The following SNTG1 variants were observed in gnomAD, a reference collection of about 807,000 sequenced individuals.
The protein encoded by SNTG1 is gamma-1-syntrophin.
SNTG1 carries 39 observed loss-of-function variants against 74.7 expected under a neutral mutation model. The ratio of observed to expected loss-of-function variants is 0.52; its 90% CI spans 0.40 to 0.68. The LOEUF (loss-of-function observed/expected upper bound fraction) is 0.68, where lower values mean the gene tolerates loss of function less well. SNTG1 is among the 30% of genes least tolerant of loss of function. The pLI, the probability that SNTG1 is intolerant of heterozygous loss-of-function variation, is 0.00. For missense variants in SNTG1, 685 were observed against 609.5 expected, an observed-to-expected ratio of 1.12 and a Z score of -1.30; for synonymous variants, 254 against 217.1, an observed-to-expected ratio of 1.17 and a Z score of -1.49.
intron 2 of SNTG1, among the ~76,000 whole-genome samples, chr8:50,329,809 G>C (rs2090892758): frequency 6.6e-6 from 1 of 152,016 alleles, no homozygotes; most frequent in African/African-American, 2.4e-5. Flanking sequence ...TTTCTCCCTA[G>C]AAATTTTTTT....
chr8:50,494,524 AAGT>A (rs2093886734), intron 8 of SNTG1, among the ~76,000 whole-genome samples: 1 of 151,974 alleles, frequency 6.6e-6, no homozygotes, highest in Non-Finnish European at 1.5e-5. Flanking sequence ...TGCTTTTTCA[AAGT>A]AGAACTTTTA....
At chr8:50,670,580 G>C (rs549988674) in intron 15 of SNTG1, among the ~76,000 whole-genome samples, 1 of 147,494 alleles carries the variant, frequency 6.8e-6, no homozygotes, top group African/African-American at 2.6e-5. Context: ...ATGCTCATGG[G>C]TAGGAAGAAT....
intron 9 of SNTG1, among the ~76,000 whole-genome samples, chr8:50,527,992 T>C (rs575128365): frequency 2.6e-5 from 4 of 152,088 alleles, no homozygotes; most frequent in African/African-American, 4.8e-5. Context: ...TATAATTTAA[T>C]TTTATATATT....
At chr8:50,335,475 A>G (rs867325099) in intron 2 of SNTG1, among the ~76,000 whole-genome samples, 11 of 152,208 alleles carry the variant, frequency 7.2e-5, no homozygotes, top group African/African-American at 2.7e-4. Flanking sequence ...GGTTATAGGA[A>G]TGAAGTTCCC....
chr8:50,251,112 T>A (rs1312694310), intron 2 of SNTG1, among the ~76,000 whole-genome samples: 1 of 152,048 alleles, frequency 6.6e-6, no homozygotes, highest in Non-Finnish European at 1.5e-5. Context: ...GTCTATAGTA[T>A]TTTTATGTGA....
At chr8:50,018,946 T>C (rs1271573156) in intron 1 of SNTG1, among the ~76,000 whole-genome samples, 1 of 151,918 alleles carries the variant, frequency 6.6e-6, no homozygotes, top group East Asian at 1.9e-4. Flanking sequence ...CATAGAATTG[T>C]TATATGATCC....
chr8:50,455,914 A>T (rs1045319105), intron 8 of SNTG1, among the ~76,000 whole-genome samples: 35 of 152,176 alleles, frequency 2.3e-4, no homozygotes, highest in African/African-American at 7.7e-4. Flanking sequence ...TGCCTTAAGA[A>T]TTCTAACCAT....
chr8:50,226,903 A>T (rs779588536), intron 2 of SNTG1, among the ~76,000 whole-genome samples: 3 of 152,204 alleles, frequency 2.0e-5, no homozygotes, highest in African/African-American at 7.2e-5. Flanking sequence ...CATCAACAGT[A>T]TATTCACTAT....
At chr8:49,951,059 T>G (rs904280809) in intron 1 of SNTG1, among the ~76,000 whole-genome samples, 1 of 152,232 alleles carries the variant, frequency 6.6e-6, no homozygotes, top group Non-Finnish European at 1.5e-5. Flanking sequence ...CAGAGAATTT[T>G]GAATTAATCT....
At chr8:50,723,849 G>T (rs1339804569) in intron 17 of SNTG1, among the ~76,000 whole-genome samples, 1 of 152,068 alleles carries the variant, frequency 6.6e-6, no homozygotes, top group East Asian at 1.9e-4. Context: ...TAGTAGTTTT[G>T]CAGGAAAAGA....
chr8:50,686,774 A>G (rs1279144923), intron 15 of SNTG1, among the ~76,000 whole-genome samples: 2 of 152,198 alleles, frequency 1.3e-5, no homozygotes, highest in African/African-American at 4.8e-5. Flanking sequence ...TAATAGAAAT[A>G]GACTATGAAA....
chr8:50,612,704 T>A lies in SNTG1; in HGVS notation c.849+21787T>A, dbSNP rs184554986. 5.8e-3 allele frequency among the ~76,000 whole-genome samples: 878 copies of A among 152,284 alleles called. 14 individuals carry two copies. Among genetic ancestry groups the A allele is most frequent in the African/African-American group, 0.019 (802 of 41,562 alleles). On this transcript the variant is annotated intron_variant, in intron 13 of 18. Coordinates refer to ENST00000642720, the MANE Select transcript of SNTG1 (RefSeq NM_018967.5). Reference sequence around the variant, plus strand: ...ATCTGACTTATTTTCTATATTAACTTGAATACAAAGCCAAGATTTCTAACT... The same window carrying A: ...ATCTGACTTATTTTCTATATTAACTAGAATACAAAGCCAAGATTTCTAACT...
At chr8:50,632,222 G>A (rs920769535) in intron 13 of SNTG1, among the ~76,000 whole-genome samples, 32 of 151,812 alleles carry the variant, frequency 2.1e-4, no homozygotes, top group African/African-American at 7.7e-4. Context: ...CTTAGGAATT[G>A]GGGTAATATA....
chr8:50,309,929 T>C (rs1282115684), intron 2 of SNTG1, among the ~76,000 whole-genome samples: 2 of 152,200 alleles, frequency 1.3e-5, no homozygotes, highest in Non-Finnish European at 2.9e-5. Flanking sequence ...CTGGAAAACA[T>C]TGTGTTTTAA....
intron 1 of SNTG1, among the ~76,000 whole-genome samples, chr8:50,111,459 A>G (rs1240890453): frequency 4.6e-5 from 7 of 151,992 alleles, no homozygotes; most frequent in Non-Finnish European, 5.9e-5. Context: ...TCTTGCACCT[A>G]CAGAAGAAAA....
chr8:50,353,922 C>A (rs950662586), intron 2 of SNTG1, among the ~76,000 whole-genome samples: 1 of 152,218 alleles, frequency 6.6e-6, no homozygotes, highest in African/African-American at 2.4e-5. Context: ...TAACTGGTCT[C>A]AAAAGAATCT....
At chr8:50,004,236 C>G (rs1169934849) in intron 1 of SNTG1, among the ~76,000 whole-genome samples, 2 of 152,198 alleles carry the variant, frequency 1.3e-5, no homozygotes, top group Non-Finnish European at 2.9e-5. Context: ...ATTCCATCCT[C>G]TCTTCCGGCC....
At chr8:49,977,359 G>A (rs1028255625) in intron 1 of SNTG1, among the ~76,000 whole-genome samples, 2 of 151,772 alleles carry the variant, frequency 1.3e-5, no homozygotes, top group African/African-American at 4.8e-5. Flanking sequence ...CATTTTGAAC[G>A]CAGTGCTTTG....
chr8:50,376,517 G>A (rs547534215), intron 2 of SNTG1, among the ~76,000 whole-genome samples: 35 of 151,798 alleles, frequency 2.3e-4, no homozygotes, highest in African/African-American at 7.0e-4. Flanking sequence ...GACTCAGATC[G>A]TTTAAGCAAA....
Sources: gnomAD v4.1 joint callset for allele counts (sites outside exome capture counted in the v4.1 genomes callset) on GRCh38, gnomAD v4.1.1 for gene constraint, MANE v1.5 for transcripts, NCBI Gene and HGNC (gene_info 2026-07-23, HGNC 2026-07-21) for gene names.